The following CDK6 variants were observed in gnomAD, a reference collection of about 807,000 sequenced individuals.
CDK6 encodes cyclin dependent kinase 6.
In CDK6, 6 loss-of-function variants were observed where a neutral mutation model predicts 37.1. The observed-to-expected ratio is 0.16, with a 90% CI of 0.09 to 0.32. The LOEUF (loss-of-function observed/expected upper bound fraction) is 0.32. Ranked by LOEUF, CDK6 falls within the 10% of genes least tolerant of loss-of-function variation. CDK6 has a pLI of 1.00. For synonymous variants in CDK6, 160 were observed against 161.3 expected (o/e 0.99, Z 0.06); for missense variants, 224 against 418.9 (o/e 0.53, Z 4.06).
intron 2 of CDK6, among the ~76,000 whole-genome samples, chr7:92,808,422 C>T (rs2115929598): frequency 6.6e-6 from 1 of 152,274 alleles, no homozygotes; most frequent in Non-Finnish European, 1.5e-5. Flanking sequence ...TATAGTCGGC[C>T]AAATAGTTTG....
rs766455736 is a variant in CDK6 at position 92,833,370 on chromosome 7, G to T, written c.-47C>A. ...GCGGCGCCGCTGGGGCGGGCGGGGGGTGCGCTCAACTAGCTGGCGGCCGCC... is the reference window on the plus strand; with the variant it reads ...GCGGCGCCGCTGGGGCGGGCGGGGGTTGCGCTCAACTAGCTGGCGGCCGCC... On this transcript the variant is annotated 5_prime_UTR_variant, in exon 2 of 8. Transcript: ENST00000424848. This position sits in a 1 kb window ranked among gnomAD's most constrained non-coding sequence, Gnocchi z 6.1. 10 of 1,411,956 alleles carry T rather than the reference G, an allele frequency of 7.1e-6. No homozygotes were observed. In the East Asian group the frequency reaches 2.3e-4, roughly 32 times the overall value. The allele number at this position is 1,411,956 out of a possible 1,614,324, so 87.5% of individuals were successfully genotyped here.
At chr7:92,683,127 A>G (rs569647193) in intron 4 of CDK6, among the ~76,000 whole-genome samples, 3 of 152,318 alleles carry the variant, frequency 2.0e-5, no homozygotes, top group South Asian at 2.1e-4. Context: ...CTTCACAGAT[A>G]AGTAGAAATG....
At chr7:92,674,441 A>T (rs1312685298) in intron 4 of CDK6, among the ~76,000 whole-genome samples, 1 of 152,230 alleles carries the variant, frequency 6.6e-6, no homozygotes, top group Non-Finnish European at 1.5e-5. Context: ...AAGGGCTTAT[A>T]CACCTATCAA....
intron 4 of CDK6, among the ~76,000 whole-genome samples, chr7:92,702,060 T>C (rs1170692415): frequency 6.6e-6 from 1 of 152,110 alleles, no homozygotes; most frequent in African/African-American, 2.4e-5. Flanking sequence ...ACTTCACATG[T>C]GATCACTGTT....
chr7:92,706,367 A>C (rs1433364856), intron 4 of CDK6, among the ~76,000 whole-genome samples: 1 of 152,256 alleles, frequency 6.6e-6, no homozygotes, highest in Non-Finnish European at 1.5e-5. Context: ...GTACCACTGC[A>C]TTCCAGCTTG....
intron 5 of CDK6, among the ~76,000 whole-genome samples, chr7:92,664,187 T>C (rs1796903884): frequency 6.6e-6 from 1 of 152,038 alleles, no homozygotes; most frequent in Non-Finnish European, 1.5e-5. Context: ...TGGCTGGTTC[T>C]TTAAAGGAAG....
At chr7:92,716,458 C>A (rs1403802330) in intron 4 of CDK6, among the ~76,000 whole-genome samples, 1 of 152,132 alleles carries the variant, frequency 6.6e-6, no homozygotes, top group Non-Finnish European at 1.5e-5. Context: ...TACTCAAGTG[C>A]CCACCTCGTG....
chr7:92,698,492 T>C (rs1051972931), intron 4 of CDK6, among the ~76,000 whole-genome samples: 1 of 152,130 alleles, frequency 6.6e-6, no homozygotes, highest in African/African-American at 2.4e-5. Context: ...GATGCCATTT[T>C]CCCCCTTATC....
At chr7:92,699,775 G>A (rs969740125) in intron 4 of CDK6, among the ~76,000 whole-genome samples, 1 of 152,224 alleles carries the variant, frequency 6.6e-6, no homozygotes, top group Non-Finnish European at 1.5e-5. Flanking sequence ...AGGCAGACAT[G>A]TAACTTACCA....
At chr7:92,756,445 A>C (rs1054840659) in intron 3 of CDK6, among the ~76,000 whole-genome samples, 8 of 152,194 alleles carry the variant, frequency 5.3e-5, no homozygotes, top group African/African-American at 1.9e-4. Flanking sequence ...TTTTTCTTCT[A>C]TTCAAAGTTT....
intron 2 of CDK6, among the ~76,000 whole-genome samples, chr7:92,831,863 C>T (rs542044798): frequency 2.0e-5 from 3 of 152,306 alleles, no homozygotes; most frequent in East Asian, 3.9e-4. Flanking sequence ...TTTGGTCTCT[C>T]TGAGTCTGTA....
intron 3 of CDK6, among the ~76,000 whole-genome samples, chr7:92,749,068 G>A (rs185251103): frequency 3.2e-4 from 49 of 152,008 alleles, no homozygotes; most frequent in South Asian, 6.3e-4. Context: ...GCGTGGTGGC[G>A]CATGCCTGTA....
At chr7:92,772,555 T>C (rs1799743594) in intron 3 of CDK6, among the ~76,000 whole-genome samples, 1 of 152,126 alleles carries the variant, frequency 6.6e-6, no homozygotes, top group African/African-American at 2.4e-5. Flanking sequence ...AAAATTAACT[T>C]TTAATGTCAC....
rs1801550642 is a variant in CDK6 at position 92,833,464 on chromosome 7, G to A, written c.-141C>T. 8.3e-6 allele frequency: 5 copies of A among 605,066 alleles called. No homozygotes were observed. The highest frequency in any genetic ancestry group is 1.4e-5 in the Non-Finnish European group (5 of 358,936). 37.5% of individuals were successfully genotyped at this position (605,066 alleles called of 1,614,324 possible). The stretch of plus-strand genomic sequence containing the variant: ...TTGCTCCCCGCCGGCTCAGGCGCTC[G>A]GGCGCTGGGGCTTTCGCCGCTGCAG... On this transcript the variant is annotated 5_prime_UTR_variant, in exon 2 of 8. Transcript: ENST00000424848. This position sits in a 1 kb window ranked among gnomAD's most constrained non-coding sequence, Gnocchi z 6.1.
chr7:92,737,983 A>T (rs542543335), intron 3 of CDK6, among the ~76,000 whole-genome samples: 6 of 152,338 alleles, frequency 3.9e-5, no homozygotes, highest in African/African-American at 1.4e-4. Flanking sequence ...TGTGCATATT[A>T]TCTGTTTTGG....
At chr7:92,702,127 T>C (rs913548873) in intron 4 of CDK6, among the ~76,000 whole-genome samples, 2 of 152,018 alleles carry the variant, frequency 1.3e-5, no homozygotes, top group Non-Finnish European at 2.9e-5. Flanking sequence ...AAAATCTATT[T>C]TGGCTGATTC....
intron 4 of CDK6, among the ~76,000 whole-genome samples, chr7:92,702,668 C>A (rs1161254606): frequency 6.6e-6 from 1 of 152,176 alleles, no homozygotes; most frequent in Non-Finnish European, 1.5e-5. Context: ...CAGTATGTTT[C>A]AAACCTTGTT....
chr7:92,771,219 C>T (rs977798112), intron 3 of CDK6, among the ~76,000 whole-genome samples: 7 of 140,992 alleles, frequency 5.0e-5, no homozygotes, highest in South Asian at 2.2e-4. Flanking sequence ...CTGGTGACTC[C>T]GTCTCAAAAA....
rs745751185 is a variant in CDK6, at chr7:92,725,608, C to A, written c.537+18G>T. 1.2e-6 allele frequency: 2 copies of A among 1,602,170 alleles called. No individual in the cohort carries two copies. Among genetic ancestry groups the A allele is most frequent in the African/African-American group, 2.7e-5 (2 of 74,316 alleles). The stretch of plus-strand genomic sequence containing the variant: ...AGGAAAAATAAGTTTAATAAAAGGA[C>A]AGCACTCTCTCACTCACCACTGAGG... On this transcript the variant is annotated intron_variant, in intron 4 of 7. Coordinates refer to ENST00000424848, the MANE Select transcript of CDK6 (RefSeq NM_001145306.2).
Sources: gnomAD v4.1 joint callset for allele counts (sites outside exome capture counted in the v4.1 genomes callset) on GRCh38, gnomAD v4.1.1 for gene constraint, Gnocchi (gnomAD v3.1) non-coding constraint, MANE v1.5 for transcripts, NCBI Gene and HGNC (gene_info 2026-07-23, HGNC 2026-07-21) for gene names.